Variants in PRKCA observed in about 807,000 individuals in gnomAD.
PRKCA encodes the protein protein kinase C alpha type.
A neutral mutation model predicts 87.0 loss-of-function variants in PRKCA; 27 were observed. The ratio of observed to expected loss-of-function variants is 0.31; its 90% CI spans 0.23 to 0.43. PRKCA has a LOEUF of 0.43. Ranked by LOEUF, PRKCA falls within the 20% of genes least tolerant of loss-of-function variation. The probability of loss-of-function intolerance (pLI) is 1.00; values close to 1 mark genes in which losing one functional copy is unlikely to be tolerated. For synonymous variants in PRKCA, 329 were observed against 311.1 expected (o/e 1.06, Z -0.61); for missense variants, 518 against 852.3 (o/e 0.61, Z 4.88).
chr17:66,728,930 A>G (rs540932923), intron 8 of PRKCA, among the ~76,000 whole-genome samples: 33 of 152,352 alleles, frequency 2.2e-4, no homozygotes, highest in African/African-American at 7.7e-4. Flanking sequence ...AACTGTTTCA[A>G]GCATCTCAGA....
intron 3 of PRKCA, among the ~76,000 whole-genome samples, chr17:66,522,469 G>A (rs1483579397): frequency 6.6e-6 from 1 of 152,164 alleles, no homozygotes; most frequent in East Asian, 1.9e-4. Context: ...CGAAGTAGGA[G>A]CACCTTGAGC....
At chr17:66,688,248 C>T (rs1972683331) in intron 6 of PRKCA, 54 bp from the exon 7 acceptor site, 2 of 1,598,826 alleles carry the variant, frequency 1.3e-6, no homozygotes, top group Admixed American at 3.4e-5. Flanking sequence ...GTGGTATCTC[C>T]CAAGAAACCA....
At chr17:66,519,512 T>C (rs894277665) in intron 3 of PRKCA, among the ~76,000 whole-genome samples, 4 of 152,192 alleles carry the variant, frequency 2.6e-5, no homozygotes, top group African/African-American at 9.6e-5. Context: ...TCCCCACTTA[T>C]CAGCAAATTC....
intron 8 of PRKCA, among the ~76,000 whole-genome samples, chr17:66,698,697 G>C (rs1972988090): frequency 6.6e-6 from 1 of 152,016 alleles, no homozygotes; most frequent in Admixed American, 6.6e-5. Flanking sequence ...GATGGCCCAG[G>C]TGTGGTGGTT....
At chr17:66,411,071 TTTTG>T (rs1028653471) in intron 2 of PRKCA, among the ~76,000 whole-genome samples, 1 of 151,984 alleles carries the variant, frequency 6.6e-6, no homozygotes, top group African/African-American at 2.4e-5. Context: ...TCTGTTTTTG[TTTTG>T]TTTGTTTTGT....
At chr17:66,681,722 A>C (rs376744229) in intron 5 of PRKCA, among the ~76,000 whole-genome samples, 4 of 152,162 alleles carry the variant, frequency 2.6e-5, no homozygotes, top group African/African-American at 9.7e-5. Context: ...CTAGCTGCCC[A>C]CGCTCTTGGT....
intron 14 of PRKCA, among the ~76,000 whole-genome samples, chr17:66,780,545 G>A (rs867591670): frequency 2.6e-5 from 4 of 151,854 alleles, no homozygotes; most frequent in Admixed American, 6.6e-5. Flanking sequence ...GCGTGGTGGT[G>A]CACACCTGTA....
At chr17:66,342,925 G>T (rs1261419773) in intron 2 of PRKCA, among the ~76,000 whole-genome samples, 1 of 152,078 alleles carries the variant, frequency 6.6e-6, no homozygotes, top group African/African-American at 2.4e-5. Flanking sequence ...TGGCTAGAAT[G>T]GTTTTTGCTT....
At chr17:66,663,701 C>T (rs1971967354) in intron 5 of PRKCA, among the ~76,000 whole-genome samples, 1 of 152,082 alleles carries the variant, frequency 6.6e-6, no homozygotes, top group Non-Finnish European at 1.5e-5. Flanking sequence ...ATTAATTATG[C>T]CACTAGAAAT....
At chr17:66,389,551 C>T (rs1910249925) in intron 2 of PRKCA, among the ~76,000 whole-genome samples, 1 of 152,204 alleles carries the variant, frequency 6.6e-6, no homozygotes. Flanking sequence ...CAGATGATGG[C>T]CAGCATCGTC....
rs527850293 is a variant in PRKCA, at chr17:66,655,960, C to T, written c.529+10449C>T. Among the ~76,000 whole-genome samples, 29 of 152,302 alleles carry T rather than the reference C, an allele frequency of 1.9e-4. No individual in the cohort carries two copies. In the East Asian group the frequency reaches 2.1e-3, roughly 11 times the overall value. ...TATTTACATTCCGACTGTGGTACCT[C>T]GTCCTGACTGATCTGTGGCTCATCT... On this transcript the variant is annotated intron_variant, in intron 5 of 16. Transcript: ENST00000413366.
At chr17:66,644,300 GTTAAAA>G (rs1331670287) in intron 4 of PRKCA, among the ~76,000 whole-genome samples, 1 of 152,164 alleles carries the variant, frequency 6.6e-6, no homozygotes, top group Non-Finnish European at 1.5e-5. Flanking sequence ...ACTTTGTCAT[GTTAAAA>G]TTAAACACTC....
At chr17:66,753,652 A>G (rs1974485023) in intron 13 of PRKCA, among the ~76,000 whole-genome samples, 1 of 152,100 alleles carries the variant, frequency 6.6e-6, no homozygotes, top group Admixed American at 6.5e-5. Flanking sequence ...CTCCAGTGTG[A>G]CTGTTCTGTA....
At chr17:66,543,152 A>G (rs150596019) in intron 3 of PRKCA, among the ~76,000 whole-genome samples, 2 of 152,344 alleles carry the variant, frequency 1.3e-5, no homozygotes, top group Non-Finnish European at 2.9e-5. Context: ...CTGATAAATA[A>G]TCAACTTATT....
At chr17:66,474,802 G>A (rs908443691) in intron 2 of PRKCA, among the ~76,000 whole-genome samples, 1 of 152,184 alleles carries the variant, frequency 6.6e-6, no homozygotes, top group Non-Finnish European at 1.5e-5. Context: ...AAAAAGGTTT[G>A]TGTGTTGCGC....
At chr17:66,669,237 AG>A (rs1972115995) in intron 5 of PRKCA, among the ~76,000 whole-genome samples, 1 of 152,214 alleles carries the variant, frequency 6.6e-6, no homozygotes, top group African/African-American at 2.4e-5. Context: ...AAAAGATGAA[AG>A]GAAGTGGACA....
chr17:66,473,612 G>A (rs947687547), intron 2 of PRKCA, among the ~76,000 whole-genome samples: 7 of 152,182 alleles, frequency 4.6e-5, no homozygotes, highest in Admixed American at 6.5e-5. Context: ...AACTGCAGTA[G>A]CTACTATTAA....
intron 2 of PRKCA, among the ~76,000 whole-genome samples, chr17:66,317,428 A>AAGTT (rs1241470433): frequency 6.6e-6 from 1 of 152,228 alleles, no homozygotes; most frequent in Non-Finnish European, 1.5e-5. Context: ...CTTACAGTGT[A>AAGTT]CTACCACCCC....
Position 66,804,948 on chromosome 17 carries a change from G to C in PRKCA, c.*911G>C, listed in dbSNP as rs1975996253. 1 of 974,800 alleles carries C rather than the reference G, an allele frequency of 1.0e-6. No homozygotes were observed. The highest frequency in any genetic ancestry group is 1.2e-6 in the Non-Finnish European group (1 of 820,162). The allele number at this position is 974,800 out of a possible 1,614,324, so 60.4% of individuals were successfully genotyped here. A position where few individuals can be genotyped will look rare whatever the true frequency, so the allele number is the denominator to read the frequency against. ...ACACCAACATTTTGCTGCCTACCTT[G>C]TTATCCTTCTCAAGAAGCTGAAGTG... On this transcript the variant is annotated 3_prime_UTR_variant, in exon 17 of 17. Transcript: ENST00000413366.
Sources: allele counts gnomAD v4.1 joint callset (sites outside exome capture counted in the v4.1 genomes callset), GRCh38; gene constraint gnomAD v4.1.1; transcripts MANE v1.5; gene names NCBI Gene and HGNC (gene_info 2026-07-23, HGNC 2026-07-21).